The following KDM5A variants were observed in gnomAD, a reference collection of about 807,000 sequenced individuals.
KDM5A encodes the protein lysine-specific demethylase 5A.
A neutral mutation model predicts 193.5 loss-of-function variants in KDM5A; 42 were observed. That is an observed-to-expected ratio of 0.22 (90% CI 0.17 to 0.28). The LOEUF (loss-of-function observed/expected upper bound fraction) is 0.28, where lower values mean the gene tolerates loss of function less well. Among genes scored for constraint, KDM5A ranks in the 10% least tolerant of loss-of-function variants. The pLI is 1.00. For synonymous variants in KDM5A, 796 were observed against 718.1 expected (o/e 1.11, Z -1.73); for missense variants, 1,692 against 2,055.1 (o/e 0.82, Z 3.42).
At chr12:384,260 C>T in intron 2 of KDM5A, 107 bp from the exon 3 acceptor site, 1 of 834,554 alleles carries the variant, frequency 1.2e-6, no homozygotes, top group Admixed American at 1.8e-5. Context: ...CATCAGCGGC[C>T]TGTTAGGAAC....
Position 285,539 on chromosome 12 carries a change from G to A in KDM5A, c.4990C>T (p.Pro1664Ser). 6.2e-7 allele frequency: 1 copy of A among 1,613,972 alleles called. No homozygotes were observed. Among genetic ancestry groups the A allele is most frequent in the Non-Finnish European group, 8.5e-7 (1 of 1,179,932 alleles). Residue 1664 changes from proline (P) to serine (S), a missense_variant, in exon 28 of 28, where the codon CCA becomes TCA. Around this residue, in one of 11 missense-constraint regions of KDM5A, gnomAD observed 41 missense variants for 36.3 expected, o/e 1.13. Transcript: ENST00000399788. ...GGTGGTGCTGGACCTGGGCTAACTG[G>A]CCCCTGCTTCTTTGCACAGTTTATA... ...ICINCAKKQG[P>S]VSPGPAPPPS...
chr12:346,634 T>A (rs2137442537), intron 10 of KDM5A, among the ~76,000 whole-genome samples: 1 of 152,240 alleles, frequency 6.6e-6, no homozygotes, highest in South Asian at 2.1e-4. Context: ...ATAAACGTAA[T>A]CCATCACATA....
At chr12:333,373 C>T (rs1220792817) in intron 12 of KDM5A, 114 bp downstream of exon 12, 12 of 1,132,856 alleles carry the variant, frequency 1.1e-5, no homozygotes, top group Non-Finnish European at 1.4e-5. Flanking sequence ...GAGCAATCAT[C>T]GTGCCGCTGC....
intron 8 of KDM5A, among the ~76,000 whole-genome samples, chr12:353,101 T>C (rs1008404137): frequency 2.0e-5 from 3 of 151,950 alleles, no homozygotes; most frequent in African/African-American, 7.3e-5. Context: ...TCCCAGCACT[T>C]TGGAAGGTCA....
intron 10 of KDM5A, among the ~76,000 whole-genome samples, chr12:342,968 G>A (rs926310194): frequency 2.0e-5 from 3 of 152,138 alleles, no homozygotes; most frequent in Admixed American, 6.5e-5. Context: ...GAAGCAGGGC[G>A]TGCATCACCT....
intron 3 of KDM5A, among the ~76,000 whole-genome samples, chr12:381,869 T>C (rs1399613073): frequency 2.0e-5 from 3 of 152,142 alleles, no homozygotes; most frequent in Non-Finnish European, 4.4e-5. Flanking sequence ...TGCAGTGGTG[T>C]GATGACAGCT....
intron 10 of KDM5A, among the ~76,000 whole-genome samples, chr12:340,340 T>C (rs1943985457): frequency 6.6e-6 from 1 of 152,066 alleles, no homozygotes; most frequent in Admixed American, 6.5e-5. Flanking sequence ...AGCCAAGCCT[T>C]GAAGAGACTG....
At chr12:371,064 C>A (rs1399574691) in intron 3 of KDM5A, among the ~76,000 whole-genome samples, 7 of 79,566 alleles carry the variant, frequency 8.8e-5, no homozygotes, top group Admixed American at 6.3e-4. Context: ...TGAATAGTGC[C>A]ACAATAAACA....
intron 10 of KDM5A, among the ~76,000 whole-genome samples, chr12:347,973 A>G (rs1310055049): frequency 3.9e-5 from 6 of 152,182 alleles, no homozygotes; most frequent in African/African-American, 1.4e-4. Flanking sequence ...AGAGTAAACA[A>G]GCAACCTACA....
intron 1 of KDM5A, among the ~76,000 whole-genome samples, chr12:387,788 T>TA (rs1944662279): frequency 6.6e-6 from 1 of 152,174 alleles, no homozygotes; most frequent in East Asian, 1.9e-4. Context: ...CTATAGGTGT[T>TA]AAATTAGTTC....
At chr12:351,403 G>A (rs1944156580) in intron 9 of KDM5A, among the ~76,000 whole-genome samples, 1 of 152,012 alleles carries the variant, frequency 6.6e-6, no homozygotes. Context: ...CCTTTTTTAT[G>A]ACTGCATAGT....
At chr12:335,049 G>A (rs1943911618) in intron 10 of KDM5A, among the ~76,000 whole-genome samples, 1 of 152,128 alleles carries the variant, frequency 6.6e-6, no homozygotes, top group Non-Finnish European at 1.5e-5. Context: ...GATGCAGAAA[G>A]TCACCACCAT....
rs1280167844 is a variant in KDM5A, at chr12:389,085, C to T, written c.7G>A (p.Gly3Ser). MA[G>S]VGPGGYAAEF... ...GCCGCGTAGCCCCCCGGCCCCACGC[C>T]CGCCATTGCAACGGCCGGGGGGGGG... The change falls in exon 1 of 28, where the codon GGC becomes AGC. Residue 3 changes from glycine to serine, a missense_variant. Coordinates refer to ENST00000399788, the MANE Select transcript of KDM5A (RefSeq NM_001042603.3). 1.2e-6 allele frequency: 2 copies of T among 1,604,476 alleles called. No individual in the cohort carries two copies. The highest frequency in any genetic ancestry group is 1.7e-6 in the Non-Finnish European group (2 of 1,177,954).
intron 8 of KDM5A, 47 bp from the exon 9 acceptor site, chr12:352,371 A>G: frequency 6.4e-7 from 1 of 1,570,712 alleles, no homozygotes; most frequent in African/African-American, 1.3e-5. Flanking sequence ...ACTAAACTGA[A>G]GAAAGCTTTA....
chr12:374,670 G>A lies in KDM5A; in HGVS notation c.367-8566C>T, dbSNP rs188378679. Among the ~76,000 whole-genome samples the A allele has an allele frequency of 6.3e-3, 963 of 152,290 alleles. 5 individuals are homozygous for A. Among genetic ancestry groups the A allele is most frequent in the African/African-American group, 0.013 (525 of 41,566 alleles). ...GTTGATGCAGTTTCTTCCTGGCATCGATGGTCTTTACAGTTTGGCATGTTT... is the reference window on the plus strand; with the variant it reads ...GTTGATGCAGTTTCTTCCTGGCATCAATGGTCTTTACAGTTTGGCATGTTT... On this transcript the variant is annotated intron_variant, in intron 3 of 27. Coordinates refer to ENST00000399788, the MANE Select transcript of KDM5A (RefSeq NM_001042603.3).
chr12:322,392 A>G (rs748067810), intron 17 of KDM5A, 25 bp downstream of exon 17: 2 of 1,605,904 alleles, frequency 1.2e-6, no homozygotes, highest in Admixed American at 3.3e-5. Context: ...AAAACACTGG[A>G]GAATTAAACT....
intron 14 of KDM5A, among the ~76,000 whole-genome samples, chr12:325,423 C>T (rs1249561882): frequency 2.6e-5 from 4 of 152,176 alleles, no homozygotes; most frequent in African/African-American, 9.7e-5. Flanking sequence ...TGGCTCACAC[C>T]TGTAATCCCA....
intron 8 of KDM5A, 98 bp downstream of exon 8, chr12:353,978 C>A: frequency 2.2e-5 from 20 of 909,876 alleles, no homozygotes; most frequent in East Asian, 5.6e-5. Flanking sequence ...GACAGAATGA[C>A]AAAAGGAAAC....
intron 24 of KDM5A, among the ~76,000 whole-genome samples, chr12:304,183 A>G (rs1201808590): frequency 6.6e-6 from 1 of 152,200 alleles, no homozygotes; most frequent in Admixed American, 6.5e-5. Flanking sequence ...CTCGTAAGTA[A>G]TGATTTTCTG....
Sources: allele counts gnomAD v4.1 joint callset (sites outside exome capture counted in the v4.1 genomes callset), GRCh38; gene constraint gnomAD v4.1.1; regional missense constraint gnomAD v4.1.1; transcripts MANE v1.5; gene names NCBI Gene and HGNC (gene_info 2026-07-23, HGNC 2026-07-21).